The following GIPC2 variants were observed in gnomAD, a reference collection of about 807,000 sequenced individuals.
GIPC2 encodes the protein PDZ domain-containing protein GIPC2.
A neutral mutation model predicts 30.6 loss-of-function variants in GIPC2; 30 were observed. The ratio of observed to expected loss-of-function variants is 0.98; its 90% CI spans 0.73 to 1.33. GIPC2 has a LOEUF of 1.33. Among genes scored for constraint, GIPC2 ranks in the 40% most tolerant of loss-of-function variants. The pLI is 0.00. For synonymous variants in GIPC2, 167 were observed against 150.0 expected, an observed-to-expected ratio of 1.11 and a Z score of -0.83; for missense variants, 414 against 390.3, an observed-to-expected ratio of 1.06 and a Z score of -0.51.
At chr1:78,126,364 T>G (rs1441286378) in intron 5 of GIPC2, among the ~76,000 whole-genome samples, 2 of 152,186 alleles carry the variant, frequency 1.3e-5, no homozygotes, top group African/African-American at 4.8e-5. Context: ...AACAAGGAAT[T>G]AGAAATATGA....
chr1:78,112,875 CATTTT>C (rs1557546866), intron 3 of GIPC2, among the ~76,000 whole-genome samples: 3 of 152,050 alleles, frequency 2.0e-5, no homozygotes, highest in African/African-American at 7.2e-5. Context: ...TATATATAAA[CATTTT>C]ATTTTAATTT....
At position 78,050,409 on chromosome 1, in the gene GIPC2, A is replaced by C. The variant is rs571668459; in HGVS notation, c.240+4075A>C. ...CTAGTGTTTTGTGGTCCCTGAAGGA[A>C]TAAGCTAATGAAGGCTGTGAATCAG... On this transcript the variant is annotated intron_variant, in intron 1 of 5. Transcript: ENST00000370759. Among the ~76,000 whole-genome samples, 11 of 152,342 alleles carry C rather than the reference A, an allele frequency of 7.2e-5. No homozygotes were observed. In the South Asian group the frequency reaches 2.3e-3, roughly 32 times the overall value.
intron 1 of GIPC2, among the ~76,000 whole-genome samples, chr1:78,069,602 T>TA (rs1449012589): frequency 6.6e-6 from 1 of 151,496 alleles, no homozygotes; most frequent in South Asian, 2.1e-4. Flanking sequence ...GCCTCCTGAG[T>TA]AGCTGGGATT....
At chr1:78,096,652 C>T (rs1469820819) in intron 3 of GIPC2, among the ~76,000 whole-genome samples, 1 of 151,692 alleles carries the variant, frequency 6.6e-6, no homozygotes, top group Non-Finnish European at 1.5e-5. Context: ...TTAGATTTTC[C>T]CTTCAGTGTT....
chr1:78,097,906 A>G (rs1484596844), intron 3 of GIPC2, among the ~76,000 whole-genome samples: 1 of 152,188 alleles, frequency 6.6e-6, no homozygotes, highest in Non-Finnish European at 1.5e-5. Context: ...AGGTGGAGCA[A>G]GTAAGTAGGT....
intron 3 of GIPC2, among the ~76,000 whole-genome samples, chr1:78,107,869 C>G (rs1006580789): frequency 1.6e-5 from 2 of 127,156 alleles, no homozygotes; most frequent in Non-Finnish European, 3.2e-5. Flanking sequence ...AGCTAGCATT[C>G]TAGGAAGTAG....
chr1:78,046,764 A>C (rs1423153229), intron 1 of GIPC2, among the ~76,000 whole-genome samples: 1 of 152,112 alleles, frequency 6.6e-6, no homozygotes, highest in African/African-American at 2.4e-5. Context: ...CACGCAGGTC[A>C]TCTCCCTAGA....
intron 1 of GIPC2, among the ~76,000 whole-genome samples, chr1:78,079,081 T>A (rs74093211): frequency 0.017 from 2,648 of 152,302 alleles, 68 homozygotes; most frequent in African/African-American, 0.061. Context: ...CAATATCATT[T>A]TTACACTAGA....
intron 1 of GIPC2, among the ~76,000 whole-genome samples, chr1:78,078,187 CAAAAAAAAAAA>C (rs10694093): frequency 1.5e-5 from 1 of 65,110 alleles, no homozygotes; most frequent in Non-Finnish European, 2.6e-5. Flanking sequence ...GACTCCATCT[CAAAAAAAAAAA>C]AAAAAAAAAA....
intron 5 of GIPC2, among the ~76,000 whole-genome samples, chr1:78,130,121 T>TTTTTTC (rs369892829): frequency 6.8e-6 from 1 of 146,744 alleles, no homozygotes; most frequent in Non-Finnish European, 1.5e-5. Context: ...TTTTTTTTTT[T>TTTTTTC]CAGACAGAGT....
At chr1:78,125,077 T>C (rs1662758192) in intron 4 of GIPC2, among the ~76,000 whole-genome samples, 1 of 152,230 alleles carries the variant, frequency 6.6e-6, no homozygotes. Flanking sequence ...TGTTGCCGGG[T>C]TGGAGGGCAG....
At chr1:78,087,241 T>C (rs756888266) in intron 2 of GIPC2, among the ~76,000 whole-genome samples, 4 of 152,184 alleles carry the variant, frequency 2.6e-5, no homozygotes, top group Non-Finnish European at 4.4e-5. Context: ...TAAAAAATTA[T>C]TTTAAAATTC....
At position 78,052,694 on chromosome 1, in the gene GIPC2, T is replaced by A. The variant is rs1033294010; in HGVS notation, c.240+6360T>A. Among the ~76,000 whole-genome samples the A allele has an allele frequency of 4.6e-5, 7 of 152,350 alleles. No homozygotes were observed. In the East Asian group the frequency reaches 1.2e-3, roughly 25 times the overall value. On this transcript the variant is annotated intron_variant, in intron 1 of 5. Coordinates refer to ENST00000370759, the MANE Select transcript of GIPC2 (RefSeq NM_017655.6). Reference sequence around the variant, plus strand: ...AGTGAAATAATTATTACAGTCAAGCTAATTAATATATCCATCTTAGAAACT... The same window carrying A: ...AGTGAAATAATTATTACAGTCAAGCAAATTAATATATCCATCTTAGAAACT...
intron 3 of GIPC2, among the ~76,000 whole-genome samples, chr1:78,102,088 G>C (rs1408423753): frequency 6.6e-6 from 1 of 152,190 alleles, no homozygotes; most frequent in East Asian, 1.9e-4. Context: ...AAATATTTCT[G>C]TAAGAGTTTT....
chr1:78,055,716 A>T (rs1661276788), intron 1 of GIPC2, among the ~76,000 whole-genome samples: 1 of 152,146 alleles, frequency 6.6e-6, no homozygotes, highest in Admixed American at 6.5e-5. Context: ...GTCAGGGTAC[A>T]GCACAGGTGG....
intron 1 of GIPC2, among the ~76,000 whole-genome samples, chr1:78,051,005 G>C (rs1661187927): frequency 6.6e-6 from 1 of 152,026 alleles, no homozygotes; most frequent in African/African-American, 2.4e-5. Context: ...TTTGTTGAAG[G>C]GGCATTTTGA....
chr1:78,071,541 TCTC>T (rs1308327352), intron 1 of GIPC2, among the ~76,000 whole-genome samples: 5 of 150,858 alleles, frequency 3.3e-5, no homozygotes, highest in South Asian at 4.2e-4. Flanking sequence ...CCTCCTTCCT[TCTC>T]CTTCTTCTTC....
At chr1:78,129,768 G>GTCAT in intron 5 of GIPC2, among the ~76,000 whole-genome samples, 1 of 152,270 alleles carries the variant, frequency 6.6e-6, no homozygotes, top group Admixed American at 6.5e-5. Context: ...GGAAAGTTGT[G>GTCAT]TCATACAAGT....
chr1:78,056,370 C>T (rs1661297319), intron 1 of GIPC2, among the ~76,000 whole-genome samples: 1 of 151,778 alleles, frequency 6.6e-6, no homozygotes, highest in South Asian at 2.1e-4. Flanking sequence ...CCCACCTACT[C>T]GGGAGGCTGA....
Sources: gnomAD v4.1 joint callset for allele counts (sites outside exome capture counted in the v4.1 genomes callset) on GRCh38, gnomAD v4.1.1 for gene constraint, MANE v1.5 for transcripts, NCBI Gene and HGNC (gene_info 2026-07-23, HGNC 2026-07-21) for gene names.